Variants in FBXO27 observed in about 807,000 individuals in gnomAD.
FBXO27 encodes F-box protein 27.
Under a neutral mutation model 28.3 loss-of-function variants are expected in FBXO27, and 28 were observed. The observed-to-expected ratio is 0.99, with a 90% confidence interval of 0.73 to 1.36. The LOEUF is 1.36. Among genes scored for constraint, FBXO27 ranks in the 40% most tolerant of loss-of-function variants. The probability of loss-of-function intolerance (pLI) is 0.00; values close to 1 mark genes in which losing one functional copy is unlikely to be tolerated. For missense variants in FBXO27, 388 were observed against 394.1 expected (o/e 0.98, Z 0.13); for synonymous variants, 175 against 167.3 (o/e 1.05, Z -0.36).
At chr19:39,019,424 C>CAAAAAAA (rs566451562), downstream of FBXO27, among the ~76,000 whole-genome samples, 15 of 35,450 alleles carry the variant, frequency 4.2e-4, no homozygotes, top group East Asian at 1.8e-3. Context: ...GACTCTGTCT[C>CAAAAAAA]AAAAAAAAAA....
Position 39,027,067 on chromosome 19 carries a change from A to G in FBXO27, c.573-62T>C. On this transcript the variant is annotated intron_variant, in intron 4 of 5. Transcript: ENST00000292853. ...ACCCCATCTCTTTGGGTGTCTGCCT[A>G]CCTTGTCCGAATGCCCTTCCCATGT... 8 of 1,600,060 alleles carry G rather than the reference A, an allele frequency of 5.0e-6. No homozygotes were observed. In the South Asian group the frequency reaches 9.0e-5, roughly 18 times the overall value.
chr19:39,016,414 T>C (rs1600224007), intron 1 of FBXO27, among the ~76,000 whole-genome samples: 2 of 151,840 alleles, frequency 1.3e-5, no homozygotes, highest in Non-Finnish European at 2.9e-5. Context: ...AGGAGAACTC[T>C]GTACTTTCTG....
rs149611058 is a variant in FBXO27 at position 39,009,664 on chromosome 19, G to A, written c.252+4723C>T. Among the ~76,000 whole-genome samples, 689 of 152,060 alleles carry A rather than the reference G, an allele frequency of 4.5e-3. 5 individuals are homozygous for A. Among genetic ancestry groups the A allele is most frequent in the African/African-American group, 0.016 (655 of 41,490 alleles). ...GTTGCTTATCTTTTATTGTTGAGTT[G>A]TAAGAATTCTTTATATATTTTGGAT... On this transcript the variant is annotated intron_variant, in intron 2 of 2. Transcript: ENST00000598394.
Position 39,032,136 on chromosome 19 carries a change from G to A in FBXO27, c.92C>T (p.Pro31Leu). ...GCTCAGCACCACCAGAAGCAGCTCT[G>A]GGGGTAGTTGGCTCAGGTCCAGCGC... The part of the protein sequence containing the change: ...EEALDLSQLP[P>L]ELLLVVLSHV... The change falls in exon 2 of 6, where the codon CCA becomes CTA. Residue 31 changes from proline to leucine, a missense_variant. Physicochemically the swap from Pro to Leu is moderately conservative, Grantham distance 98. Coordinates refer to ENST00000292853, the MANE Select transcript of FBXO27 (RefSeq NM_178820.5). The surrounding 1 kb of genome is among the most constrained non-coding windows in gnomAD (Gnocchi z 4.7). 1.3e-6 allele frequency: 2 copies of A among 1,542,882 alleles called. No homozygotes were observed. The highest frequency in any genetic ancestry group is 2.0e-5 in the Admixed American group (1 of 49,462).
chr19:39,010,798 C>T (rs1413217656), intron 2 of FBXO27, among the ~76,000 whole-genome samples: 1 of 152,254 alleles, frequency 6.6e-6, no homozygotes, highest in African/African-American at 2.4e-5. Flanking sequence ...CCCTGCTGTG[C>T]AGGAGTAATC....
At chr19:39,026,830 C>G in intron 5 of FBXO27, 40 bp downstream of exon 5, 3 of 1,611,598 alleles carry the variant, frequency 1.9e-6, no homozygotes, top group Non-Finnish European at 2.5e-6. Context: ...CAGCAATAGG[C>G]CCCCAGCATC....
intron 2 of FBXO27, among the ~76,000 whole-genome samples, chr19:39,011,536 G>A (rs939996541): frequency 6.6e-6 from 1 of 152,082 alleles, no homozygotes; most frequent in Non-Finnish European, 1.5e-5. Context: ...TGAACATGGG[G>A]TATCTATTTA....
chr19:39,020,003 T>C (rs2072837968), downstream of FBXO27, among the ~76,000 whole-genome samples: 1 of 152,082 alleles, frequency 6.6e-6, no homozygotes, highest in Admixed American at 6.6e-5. Context: ...TTCTCCCCAC[T>C]TGGCCTCCCA....
chr19:39,022,592 G>A (rs1384889934), downstream of FBXO27, among the ~76,000 whole-genome samples: 1 of 151,824 alleles, frequency 6.6e-6, no homozygotes, highest in Non-Finnish European at 1.5e-5. Context: ...GACTACAGAC[G>A]TGTGCCTCCA....
At chr19:39,009,494 G>T (rs898195974) in intron 2 of FBXO27, among the ~76,000 whole-genome samples, 1 of 152,088 alleles carries the variant, frequency 6.6e-6, no homozygotes, top group East Asian at 1.9e-4. Flanking sequence ...ATCCTACTGG[G>T]TAGGAAGTGG....
chr19:39,032,047 C>T lies in FBXO27; in HGVS notation c.181G>A (p.Val61Met), dbSNP rs1176137350. The T allele has an allele frequency of 1.3e-6, 2 of 1,528,534 alleles. No individual in the cohort carries two copies. The highest frequency in any genetic ancestry group is 2.1e-5 in the Admixed American group (1 of 47,122). 94.7% of individuals were successfully genotyped at this position (1,528,534 alleles called of 1,614,324 possible). A position where few individuals can be genotyped will look rare whatever the true frequency, so the allele number is the denominator to read the frequency against. The change falls in exon 2 of 6, where the codon GTG becomes ATG. Residue 61 changes from valine to methionine, a missense_variant. Physicochemically the swap from Val to Met is conservative, Grantham distance 21. Transcript: ENST00000292853. This position sits in a 1 kb window ranked among gnomAD's most constrained non-coding sequence, Gnocchi z 4.7. ...RQVCRGWRAL[V>M]DGQALWLLIL... Reference sequence around the variant, plus strand: ...AGCAGCCACAGGGCCTGGCCGTCCACCAGGGCTCGCCAGCCCCGGCACACT... The same window carrying T: ...AGCAGCCACAGGGCCTGGCCGTCCATCAGGGCTCGCCAGCCCCGGCACACT...
At position 39,032,515 on chromosome 19, in the gene FBXO27, C is replaced by T. The variant is rs953319836; in HGVS notation, c.-39G>A. 1.4e-5 allele frequency: 5 copies of T among 369,336 alleles called. No homozygotes were observed. In the Admixed American group the frequency reaches 1.5e-4, roughly 11 times the overall value. 22.9% of individuals were successfully genotyped at this position (369,336 alleles called of 1,614,324 possible). A position where few individuals can be genotyped will look rare whatever the true frequency, so the allele number is the denominator to read the frequency against. ...CCCCAAGTCCTACCCCGGGGCCTGG[C>T]GGCGCTCCTCGCCGGGATGCCCTAG... On this transcript the variant is annotated 5_prime_UTR_variant, in exon 1 of 6. Transcript: ENST00000292853. The surrounding 1 kb of genome is among the most constrained non-coding windows in gnomAD (Gnocchi z 4.7).
Position 39,032,339 on chromosome 19 carries a change from C to T in FBXO27, c.-26-86G>A, listed in dbSNP as rs1056638675. ...GCCTGCCCTGATTCTGCCAGCCGCA[C>T]CCCCGTCTTCACCATCCCTGGGCCC... On this transcript the variant is annotated intron_variant, in intron 1 of 5. Transcript: ENST00000292853. The surrounding 1 kb of genome is among the most constrained non-coding windows in gnomAD (Gnocchi z 4.7). The T allele has an allele frequency of 7.5e-6, 10 of 1,335,940 alleles. No homozygotes were observed. Among genetic ancestry groups the T allele is most frequent in the African/African-American group, 1.6e-5 (1 of 64,218 alleles). The allele number at this position is 1,335,940 out of a possible 1,614,324, so 82.8% of individuals were successfully genotyped here.
intron 2 of FBXO27, among the ~76,000 whole-genome samples, chr19:39,006,483 C>T (rs996299062): frequency 2.6e-5 from 4 of 151,854 alleles, no homozygotes; most frequent in Admixed American, 6.6e-5. Flanking sequence ...CGCTTGAACC[C>T]GGGAAGCAGA....
downstream of FBXO27, among the ~76,000 whole-genome samples, chr19:39,023,690 T>A (rs1363309019): frequency 6.6e-6 from 1 of 152,050 alleles, no homozygotes; most frequent in Non-Finnish European, 1.5e-5. Flanking sequence ...CCTGGCTCAC[T>A]GCAACCTCCA....
chr19:39,007,511 A>T (rs1975744426), intron 2 of FBXO27, among the ~76,000 whole-genome samples: 1 of 151,868 alleles, frequency 6.6e-6, no homozygotes, highest in African/African-American at 2.4e-5. Flanking sequence ...GTTTCTTCTT[A>T]TTTTTCTTTG....
At chr19:39,029,529 TG>T (rs2144903531) in intron 4 of FBXO27, among the ~76,000 whole-genome samples, 1 of 150,824 alleles carries the variant, frequency 6.6e-6, no homozygotes, top group South Asian at 2.1e-4. Flanking sequence ...CACACCTTAG[TG>T]AGGGGCTTTT....
chr19:39,028,560 C>T (rs1046312053), intron 4 of FBXO27, among the ~76,000 whole-genome samples: 15 of 151,418 alleles, frequency 9.9e-5, no homozygotes, highest in African/African-American at 3.4e-4. Context: ...CATGGCAAAA[C>T]CCCGTCTCTA....
rs145041815 is a variant in FBXO27 at position 39,027,005 on chromosome 19, C to T, written c.573G>A (p.Trp191Ter). 4.8e-5 allele frequency: 77 copies of T among 1,614,088 alleles called. No individual in the cohort carries two copies. The highest frequency in any genetic ancestry group is 3.3e-4 in the Middle Eastern group (2 of 6,062). Residue 191 changes from tryptophan (W) to a stop codon, truncating the protein, a stop_gained and splice_region_variant, in exon 5 of 6, where the codon TGG becomes TGA. Transcript: ENST00000292853. LOFTEE classifies it high-confidence loss of function. ...AGCCGCTGTCGTGTCGGGCTCCCCA[C>T]CTGTGGGAGGAAGGAGCCATGAAGG... ...SGRIEICVSDWWGARHDSGCM... is the reference protein window; with the variant it reads ...SGRIEICVSD
Sources: gnomAD v4.1 joint callset for allele counts (sites outside exome capture counted in the v4.1 genomes callset) on GRCh38, gnomAD v4.1.1 for gene constraint, Gnocchi (gnomAD v3.1) non-coding constraint, MANE v1.5 for transcripts, NCBI Gene and HGNC (gene_info 2026-07-23, HGNC 2026-07-21) for gene names.